The following CDH23 variants were observed in gnomAD, a reference collection of about 807,000 sequenced individuals.
CDH23 encodes the protein cadherin-23.
A neutral mutation model predicts 317.1 loss-of-function variants in CDH23; 189 were observed. The ratio of observed to expected loss-of-function variants is 0.60; its 90% CI spans 0.53 to 0.67. The LOEUF (loss-of-function observed/expected upper bound fraction) is 0.67, where lower values mean the gene tolerates loss of function less well. Among genes scored for constraint, CDH23 ranks in the 30% least tolerant of loss-of-function variants. The pLI, the probability that CDH23 is intolerant of heterozygous loss-of-function variation, is 0.00. For missense variants in CDH23, 4,401 were observed against 4,592.4 expected, an observed-to-expected ratio of 0.96 and a Z score of 1.20; for synonymous variants, 1,839 against 1,876.8, an observed-to-expected ratio of 0.98 and a Z score of 0.52.
Position 71,773,484 on chromosome 10 carries a change from G to A in CDH23, c.4846-4196G>A, listed in dbSNP as rs1478195975. 8.4e-6 allele frequency: 13 copies of A among 1,542,402 alleles called. No homozygotes were observed. In the Admixed American group the frequency reaches 2.3e-4, roughly 28 times the overall value. ...AGGAACTTCTGGTGCCGGGGAGCGGGCGGGACGCGGCCGGCGCGGGGAAGC... is the reference window on the plus strand; with the variant it reads ...AGGAACTTCTGGTGCCGGGGAGCGGACGGGACGCGGCCGGCGCGGGGAAGC... On this transcript the variant is annotated intron_variant, in intron 38 of 69. Transcript: ENST00000224721.
chr10:71,534,602 C>T (rs1459280776), intron 6 of CDH23, among the ~76,000 whole-genome samples: 2 of 152,186 alleles, frequency 1.3e-5, no homozygotes. Context: ...TTTTCCAGCC[C>T]AGTTCTGCCA....
At chr10:71,738,954 C>T (rs1322042222) in intron 35 of CDH23, among the ~76,000 whole-genome samples, 2 of 152,252 alleles carry the variant, frequency 1.3e-5, no homozygotes, top group Non-Finnish European at 2.9e-5. Context: ...AGAGGACATG[C>T]TCGTCCTCTC....
intron 38 of CDH23, among the ~76,000 whole-genome samples, chr10:71,774,047 G>GCA (rs1228857879): frequency 1.1e-3 from 131 of 116,776 alleles, no homozygotes; most frequent in African/African-American, 3.9e-3. Flanking sequence ...GTGCATGCGC[G>GCA]CGCGCACACA....
chr10:71,465,084 G>A (rs962800503), intron 3 of CDH23, among the ~76,000 whole-genome samples: 4 of 152,250 alleles, frequency 2.6e-5, no homozygotes, highest in East Asian at 1.9e-4. Context: ...CATTAGCCAC[G>A]TGTAGCTCTT....
chr10:71,593,575 A>G (rs58970217), intron 9 of CDH23, among the ~76,000 whole-genome samples: 3,796 of 152,344 alleles, frequency 0.025, 160 homozygotes, highest in African/African-American at 0.086. Flanking sequence ...ACTAATAGCT[A>G]GCATATATAA....
In CDH23 at chr10:71,461,679, G is replaced by T. The variant is rs541094463; in HGVS notation, c.145+15284G>T. On this transcript the variant is annotated intron_variant, in intron 3 of 69. Coordinates refer to ENST00000224721, the MANE Select transcript of CDH23 (RefSeq NM_022124.6). ...GCCACCGCGACTTGGGCTGAGAGTGGCTTGCAAGCCCTGTGCCGTGTTCCC... is the reference window on the plus strand; with the variant it reads ...GCCACCGCGACTTGGGCTGAGAGTGTCTTGCAAGCCCTGTGCCGTGTTCCC... Among the ~76,000 whole-genome samples the T allele has an allele frequency of 2.0e-5, 3 of 152,342 alleles. No homozygotes were observed. In the South Asian group the frequency reaches 6.2e-4, roughly 32 times the overall value.
At chr10:71,419,471 T>C (rs1430179979) in intron 1 of CDH23, among the ~76,000 whole-genome samples, 3 of 152,032 alleles carry the variant, frequency 2.0e-5, no homozygotes, top group Non-Finnish European at 2.9e-5. Flanking sequence ...CTCTAGCCCA[T>C]AGGAAAAGGG....
intron 1 of CDH23, among the ~76,000 whole-genome samples, chr10:71,422,991 C>G (rs75243420): frequency 0.021 from 3,211 of 151,712 alleles, 48 homozygotes; most frequent in Middle Eastern, 0.048. Flanking sequence ...CTCCCTCTTT[C>G]CCTCTCTCTC....
At chr10:71,630,107 G>A (rs1052785960) in intron 11 of CDH23, among the ~76,000 whole-genome samples, 1 of 151,940 alleles carries the variant, frequency 6.6e-6, no homozygotes, top group Non-Finnish European at 1.5e-5. Flanking sequence ...CTGCAGCCTC[G>A]AACTCCTGGG....
At chr10:71,528,436 C>T (rs1411523636) in intron 6 of CDH23, among the ~76,000 whole-genome samples, 1 of 152,228 alleles carries the variant, frequency 6.6e-6, no homozygotes, top group Non-Finnish European at 1.5e-5. Context: ...ATAACTCACC[C>T]AGAGGGCTGA....
intron 3 of CDH23, among the ~76,000 whole-genome samples, chr10:71,485,023 CTTTTTT>C (rs56153129): frequency 2.7e-5 from 3 of 110,148 alleles, no homozygotes; most frequent in Non-Finnish European, 5.4e-5. Flanking sequence ...TTTCTTTTTT[CTTTTTT>C]TTTTTTTTTT....
chr10:71,606,991 T>C (rs557998059), intron 9 of CDH23, among the ~76,000 whole-genome samples: 1 of 152,156 alleles, frequency 6.6e-6, no homozygotes, highest in African/African-American at 2.4e-5. Flanking sequence ...CATATGTTGA[T>C]CGTGGGGCTG....
At chr10:71,578,100 T>A in intron 9 of CDH23, 108 bp downstream of exon 9, 1 of 1,088,400 alleles carries the variant, frequency 9.2e-7, no homozygotes, top group Non-Finnish European at 1.4e-6. Context: ...TGCGGGCATG[T>A]GGGACAGGGT....
rs539434553 is a variant in CDH23 at position 71,760,221 on chromosome 10, G to GTA, written c.4846-17451_4846-17450dup. 7.4e-5 allele frequency among the ~76,000 whole-genome samples: 2 copies of GTA among 27,080 alleles called. 1 individual carries two copies. The highest frequency in any genetic ancestry group is 3.1e-3 in the South Asian group (2 of 652). The allele number at this position is 27,080 out of a possible 152,430, so 17.8% of individuals were successfully genotyped here. On this transcript the variant is annotated intron_variant, in intron 38 of 69. Transcript: ENST00000224721. The stretch of plus-strand genomic sequence containing the variant: ...TACATATATATGTGTGTATATATGT[G>GTA]TATATATATGTATATACATATATAT...
intron 6 of CDH23, among the ~76,000 whole-genome samples, chr10:71,524,537 G>A (rs1854913479): frequency 3.3e-5 from 5 of 152,146 alleles, no homozygotes. Flanking sequence ...TCATCTAATG[G>A]GGCTGGAGTG....
At chr10:71,788,142 G>A (rs1229607356) in intron 44 of CDH23, among the ~76,000 whole-genome samples, 1 of 152,166 alleles carries the variant, frequency 6.6e-6, no homozygotes, top group Admixed American at 6.5e-5. Flanking sequence ...CTGCCTCCTG[G>A]GTTCAAGCGA....
intron 38 of CDH23, among the ~76,000 whole-genome samples, chr10:71,762,320 GT>G (rs1840416152): frequency 6.6e-6 from 1 of 152,236 alleles, no homozygotes; most frequent in African/African-American, 2.4e-5. Flanking sequence ...TCCCAGTAGA[GT>G]ATATGCAAAA....
At chr10:71,627,594 TGGCAGCCGCG>T (rs1324147708) in intron 11 of CDH23, among the ~76,000 whole-genome samples, 1 of 152,214 alleles carries the variant, frequency 6.6e-6, no homozygotes, top group African/African-American at 2.4e-5. Flanking sequence ...AGGGCCTGTG[TGGCAGCCGCG>T]GTACCAGTGC....
At chr10:71,593,259 G>A (rs1022771360) in intron 9 of CDH23, among the ~76,000 whole-genome samples, 11 of 152,118 alleles carry the variant, frequency 7.2e-5, no homozygotes, top group African/African-American at 2.4e-4. Flanking sequence ...CTGGTGTTGG[G>A]AAAACTAGCT....
Sources: gnomAD v4.1 joint callset for allele counts (sites outside exome capture counted in the v4.1 genomes callset) on GRCh38, gnomAD v4.1.1 for gene constraint, MANE v1.5 for transcripts, NCBI Gene and HGNC (gene_info 2026-07-23, HGNC 2026-07-21) for gene names.